BIRC6: variants seen among roughly 807,000 people sequenced by gnomAD.
BIRC6 encodes dual E2 ubiquitin-conjugating enzyme/E3 ubiquitin-protein ligase BIRC6.
BIRC6 carries 98 observed loss-of-function variants against 503.3 expected under a neutral mutation model. That is an observed-to-expected ratio of 0.19 (90% CI 0.17 to 0.23). BIRC6 has a LOEUF of 0.23. BIRC6 is among the 10% of genes least tolerant of loss of function. BIRC6 has a pLI of 1.00. For synonymous variants in BIRC6, 2,240 were observed against 2,078.7 expected, an observed-to-expected ratio of 1.08 and a Z score of -2.11; for missense variants, 5,360 against 5,806.0, an observed-to-expected ratio of 0.92 and a Z score of 2.50.
At chr2:32,395,943 TATAGTATAC>T (rs2039829297) in intron 6 of BIRC6, among the ~76,000 whole-genome samples, 1 of 152,186 alleles carries the variant, frequency 6.6e-6, no homozygotes, top group East Asian at 1.9e-4. Flanking sequence ...GAGAGAGCCT[TATAGTATAC>T]ATTTCTAATT....
At chr2:32,529,539 A>G in intron 59 of BIRC6, 112 bp from the exon 60 acceptor site, 1 of 995,492 alleles carries the variant, frequency 1.0e-6, no homozygotes, top group Non-Finnish European at 1.4e-6. Flanking sequence ...TTGTTTTGAA[A>G]TTGGTTTCAG....
intron 57 of BIRC6, among the ~76,000 whole-genome samples, chr2:32,521,343 G>A (rs1197478146): frequency 7.4e-5 from 4 of 54,286 alleles, no homozygotes; most frequent in African/African-American, 2.5e-4. Flanking sequence ...GACCACCTGG[G>A]CAACATAGCA....
At chr2:32,559,378 T>C (rs1295002198) in intron 65 of BIRC6, among the ~76,000 whole-genome samples, 1 of 152,242 alleles carries the variant, frequency 6.6e-6, no homozygotes, top group Non-Finnish European at 1.5e-5. Flanking sequence ...CAGCGTGTTG[T>C]GCCTCTGTTC....
chr2:32,435,696 A>G, intron 14 of BIRC6, 111 bp downstream of exon 14: 1 of 1,149,678 alleles, frequency 8.7e-7, no homozygotes, highest in South Asian at 2.0e-5. Context: ...TTTCAAGAAC[A>G]CAATTAAAAA....
chr2:32,473,949 G>A (rs930769823), intron 33 of BIRC6, among the ~76,000 whole-genome samples: 2 of 151,510 alleles, frequency 1.3e-5, no homozygotes, highest in African/African-American at 4.8e-5. Context: ...TAGAGATGGG[G>A]TCTCGCTTTG....
chr2:32,574,160 C>CTTTTTTTTTTTTTTTTTTTTTTTTTTTT (rs1055060322), intron 65 of BIRC6, among the ~76,000 whole-genome samples: 1 of 124,684 alleles, frequency 8.0e-6, no homozygotes. Flanking sequence ...ATAACTTTTT[C>CTTTTTTTTTTTTTTTTTTTTTTTTTTTT]TTTTTTTTTT....
chr2:32,521,705 C>T (rs2055736128), intron 57 of BIRC6, among the ~76,000 whole-genome samples: 1 of 151,490 alleles, frequency 6.6e-6, no homozygotes, highest in African/African-American at 2.4e-5. Flanking sequence ...ATGTCGAACT[C>T]CTGACCTCAA....
chr2:32,473,761 T>A (rs2049392258), intron 33 of BIRC6, among the ~76,000 whole-genome samples: 1 of 145,542 alleles, frequency 6.9e-6, no homozygotes, highest in Admixed American at 6.8e-5. Context: ...ATTTTTTTTT[T>A]TTTTTTTTTG....
At chr2:32,490,226 G>C in intron 43 of BIRC6, 75 bp downstream of exon 43, 2 of 1,288,318 alleles carry the variant, frequency 1.6e-6, no homozygotes, top group Non-Finnish European at 1.1e-6. Context: ...TTAAAACAGA[G>C]TTTTCCAAGG....
intron 2 of BIRC6, chr2:32,379,445 A>G (rs1488846466): frequency 6.6e-6 from 1 of 152,218 alleles, no homozygotes; most frequent in East Asian, 1.9e-4. Context: ...TGTTTTTCCT[A>G]CTACAGTGAA....
chr2:32,371,680 G>A (rs375869317), intron 1 of BIRC6, among the ~76,000 whole-genome samples: 2 of 151,998 alleles, frequency 1.3e-5, no homozygotes, highest in East Asian at 1.9e-4. Context: ...ACCATGCCTG[G>A]CCTCTTCTAT....
In BIRC6 at chr2:32,366,779, TTGAGACCAGCCTGGGCAACATA is replaced by T. The variant is rs1456655413; in HGVS notation, c.325+9294_325+9315del. Reference sequence around the variant, plus strand: ...GGGAGGATTGTCTGAGGCCAGGAGTTTGAGACCAGCCTGGGCAACATAGTGAGACCCCGTCTCTACAAAAAAA... The same window carrying T: ...GGGAGGATTGTCTGAGGCCAGGAGTTGTGAGACCCCGTCTCTACAAAAAAA... On this transcript the variant is annotated intron_variant, in intron 1 of 73. Coordinates refer to ENST00000421745, the MANE Select transcript of BIRC6 (RefSeq NM_016252.4). Among the ~76,000 whole-genome samples the T allele has an allele frequency of 1.8e-4, 28 of 151,894 alleles. No individual in the cohort carries two copies. In the South Asian group the frequency reaches 3.7e-3, roughly 20 times the overall value.
At chr2:32,537,580 G>A (rs1005872571) in intron 61 of BIRC6, among the ~76,000 whole-genome samples, 2 of 152,038 alleles carry the variant, frequency 1.3e-5, no homozygotes, top group African/African-American at 2.4e-5. Context: ...CTCGCCCATC[G>A]CCTCTCAAAA....
chr2:32,395,179 A>C (rs1261119501), intron 5 of BIRC6, among the ~76,000 whole-genome samples: 1 of 152,106 alleles, frequency 6.6e-6, no homozygotes, highest in Non-Finnish European at 1.5e-5. Flanking sequence ...ACAACAACAG[A>C]AACAAATAGT....
chr2:32,425,386 C>T (rs2043367746), intron 10 of BIRC6, among the ~76,000 whole-genome samples: 1 of 149,918 alleles, frequency 6.7e-6, no homozygotes, highest in Non-Finnish European at 1.5e-5. Context: ...ACGTTTTTGA[C>T]TAATAATTCC....
chr2:32,443,731 G>C, intron 20 of BIRC6, 143 bp downstream of exon 20: 5 of 660,206 alleles, frequency 7.6e-6, no homozygotes, highest in Non-Finnish European at 1.2e-5. Context: ...GGGATCGATA[G>C]ATTGTAGCTG....
At chr2:32,559,674 T>G (rs2059019548) in intron 65 of BIRC6, among the ~76,000 whole-genome samples, 1 of 151,066 alleles carries the variant, frequency 6.6e-6, no homozygotes, top group African/African-American at 2.4e-5. Context: ...AGCTCTACAT[T>G]AGTTTTCCAA....
At chr2:32,521,365 C>CGA (rs1280532320) in intron 57 of BIRC6, among the ~76,000 whole-genome samples, 10 of 21,506 alleles carry the variant, frequency 4.6e-4, no homozygotes, top group African/African-American at 1.6e-3. Flanking sequence ...GACCTCATCT[C>CGA]AAAAAAAAAA....
chr2:32,394,068 G>A (rs575267697), intron 5 of BIRC6, among the ~76,000 whole-genome samples: 40 of 151,398 alleles, frequency 2.6e-4, no homozygotes, highest in Admixed American at 9.9e-4. Flanking sequence ...TCTAAATTAA[G>A]GATTGAACAT....
Sources: gnomAD v4.1 joint callset for allele counts (sites outside exome capture counted in the v4.1 genomes callset) on GRCh38, gnomAD v4.1.1 for gene constraint, MANE v1.5 for transcripts, NCBI Gene and HGNC (gene_info 2026-07-23, HGNC 2026-07-21) for gene names.